Variants in MLLT3 observed in about 807,000 individuals in gnomAD.
MLLT3 encodes the protein MLLT3 super elongation complex subunit.
A neutral mutation model predicts 53.2 loss-of-function variants in MLLT3; 4 were observed. That is an observed-to-expected ratio of 0.08 (90% CI 0.04 to 0.17). MLLT3 has a LOEUF of 0.17. Among genes scored for constraint, MLLT3 ranks in the 10% least tolerant of loss-of-function variants. The pLI is 1.00. For synonymous variants in MLLT3, 283 were observed against 230.6 expected, an observed-to-expected ratio of 1.23 and a Z score of -2.06; for missense variants, 569 against 684.0, an observed-to-expected ratio of 0.83 and a Z score of 1.87.
chr9:20,546,855 G>T (rs991904385), intron 2 of MLLT3, among the ~76,000 whole-genome samples: 1 of 152,256 alleles, frequency 6.6e-6, no homozygotes, highest in South Asian at 2.1e-4. Context: ...ACTGTTAGAG[G>T]AGGGTGCTAA....
chr9:20,448,810 T>C lies in MLLT3; in HGVS notation c.277-544A>G, dbSNP rs974305736. Among the ~76,000 whole-genome samples the C allele has an allele frequency of 6.6e-6, 1 of 152,172 alleles. No homozygotes were observed. The highest frequency in any genetic ancestry group is 1.5e-5 in the Non-Finnish European group (1 of 68,022). On this transcript the variant is annotated intron_variant, in intron 3 of 10. Transcript: ENST00000380338. The surrounding 1 kb of genome is among the most constrained non-coding windows in gnomAD (Gnocchi z 4.0). ...TAGTTAAAATTTCAACAGCTTCCAA[T>C]AGCCATTGGGCTAAAAATCCTAATC...
chr9:20,456,033 G>C (rs1200080139), intron 3 of MLLT3, among the ~76,000 whole-genome samples: 2 of 149,868 alleles, frequency 1.3e-5, no homozygotes, highest in Non-Finnish European at 2.9e-5. Context: ...CCGTCTCCCA[G>C]GTTCAAGTGA....
chr9:20,360,016 T>C (rs1339314633), intron 8 of MLLT3, among the ~76,000 whole-genome samples: 2 of 152,224 alleles, frequency 1.3e-5, no homozygotes, highest in African/African-American at 4.8e-5. Flanking sequence ...TTCAAAGTTC[T>C]GCCTAGATCT....
In MLLT3 at chr9:20,560,754, A is replaced by T. The variant is rs547855134; in HGVS notation, c.193+59900T>A. Reference sequence around the variant, plus strand: ...GATAGCCTTACACTCTTATTAAAAAATTTTTTATTCTATTTTTATTATTTT... The same window carrying T: ...GATAGCCTTACACTCTTATTAAAAATTTTTTTATTCTATTTTTATTATTTT... On this transcript the variant is annotated intron_variant, in intron 2 of 10. Coordinates refer to ENST00000380338, the MANE Select transcript of MLLT3 (RefSeq NM_004529.4). Among the ~76,000 whole-genome samples the T allele has an allele frequency of 3.4e-4, 52 of 152,184 alleles. 1 individual carries two copies. The South Asian group carries it at 4.4e-3, about 13-fold the overall frequency.
intron 10 of MLLT3, among the ~76,000 whole-genome samples, chr9:20,353,260 T>C (rs1290121975): frequency 6.6e-6 from 1 of 152,128 alleles, no homozygotes. Flanking sequence ...ATCTGAGGGA[T>C]CACTACAATC....
intron 2 of MLLT3, among the ~76,000 whole-genome samples, chr9:20,577,686 C>T (rs992042956): frequency 2.0e-5 from 3 of 152,132 alleles, no homozygotes; most frequent in Non-Finnish European, 4.4e-5. Flanking sequence ...ATGACAGATT[C>T]GAAAGGTAGA....
At chr9:20,591,146 T>C (rs975815799) in intron 2 of MLLT3, among the ~76,000 whole-genome samples, 3 of 152,212 alleles carry the variant, frequency 2.0e-5, no homozygotes, top group Non-Finnish European at 4.4e-5. Context: ...TCTGAATTTA[T>C]TGGACCTATT....
intron 2 of MLLT3, among the ~76,000 whole-genome samples, chr9:20,485,171 T>C (rs535982387): frequency 1.0e-3 from 156 of 152,134 alleles, no homozygotes; most frequent in African/African-American, 3.7e-3. Flanking sequence ...GTATTTTCAG[T>C]AGAGACGGGG....
intron 2 of MLLT3, among the ~76,000 whole-genome samples, chr9:20,546,366 C>G (rs1227271144): frequency 1.3e-5 from 2 of 152,138 alleles, no homozygotes; most frequent in Non-Finnish European, 2.9e-5. Flanking sequence ...CAGTGAGGCA[C>G]TGTTTCAGCA....
At position 20,498,437 on chromosome 9, in the gene MLLT3, T is replaced by A. The variant is rs138469174; in HGVS notation, c.194-41651A>T. 1.2e-3 allele frequency among the ~76,000 whole-genome samples: 184 copies of A among 152,176 alleles called. 1 individual carries two copies. The highest frequency in any genetic ancestry group is 2.2e-3 in the Non-Finnish European group (152 of 67,998). ...CTTCTTTCACATCTGTATATCTCCT[T>A]TGATGAAGTGTCTATTCAAATCTTT... On this transcript the variant is annotated intron_variant, in intron 2 of 10. Transcript: ENST00000380338.
intron 4 of MLLT3, among the ~76,000 whole-genome samples, chr9:20,438,438 G>T (rs1823461311): frequency 6.6e-6 from 1 of 152,024 alleles, no homozygotes; most frequent in Admixed American, 6.6e-5. Flanking sequence ...TAGAGACAGG[G>T]TCTTGCTCTG....
chr9:20,413,756 A>C lies in MLLT3; in HGVS notation c.1090T>G (p.Ser364Ala), dbSNP rs1383460621. 6.2e-7 allele frequency: 1 copy of C among 1,611,956 alleles called. No homozygotes were observed. Among genetic ancestry groups the C allele is most frequent in the Non-Finnish European group, 8.5e-7 (1 of 1,179,226 alleles). The change falls in exon 5 of 11, where the codon TCA (serine) becomes GCA (alanine). Residue 364 changes from serine (S) to alanine (A), a missense_variant. Ser to Ala is a moderately conservative substitution (Grantham distance 99). This residue lies in a region of MLLT3 where 437 missense variants were observed against 376.5 expected (regional missense o/e 1.16). Transcript: ENST00000380338. Reference sequence around the variant, plus strand: ...GAGGATATATTCTCCTCCACATCTGAATCATTGGGATCCACAATATCATCA... The same window carrying C: ...GAGGATATATTCTCCTCCACATCTGCATCATTGGGATCCACAATATCATCA... ...PFDDIVDPND[S>A]DVEENISSKS...
At chr9:20,359,740 A>G (rs1269198940) in intron 8 of MLLT3, among the ~76,000 whole-genome samples, 2 of 152,224 alleles carry the variant, frequency 1.3e-5, no homozygotes, top group African/African-American at 4.8e-5. Flanking sequence ...AAATTGAAGG[A>G]CACCTGTGAA....
chr9:20,432,619 T>A (rs1051111816), intron 4 of MLLT3, among the ~76,000 whole-genome samples: 2 of 151,660 alleles, frequency 1.3e-5, no homozygotes, highest in East Asian at 1.9e-4. Flanking sequence ...TGTCCTAATA[T>A]AGAAAAAGAA....
At chr9:20,533,898 T>A (rs758873295) in intron 2 of MLLT3, among the ~76,000 whole-genome samples, 1 of 152,140 alleles carries the variant, frequency 6.6e-6, no homozygotes, top group African/African-American at 2.4e-5. Flanking sequence ...GGTGGGAGAA[T>A]CAGGGACATG....
chr9:20,487,527 T>C (rs1824843781), intron 2 of MLLT3, among the ~76,000 whole-genome samples: 1 of 152,112 alleles, frequency 6.6e-6, no homozygotes, highest in Admixed American at 6.5e-5. Flanking sequence ...GTCAGAAAAT[T>C]GTTTTATACT....
At chr9:20,605,394 T>G (rs1173585579) in intron 2 of MLLT3, among the ~76,000 whole-genome samples, 1 of 151,996 alleles carries the variant, frequency 6.6e-6, no homozygotes, top group African/African-American at 2.4e-5. Context: ...ATTTATTTAT[T>G]TATAAATCAA....
intron 5 of MLLT3, among the ~76,000 whole-genome samples, chr9:20,397,611 C>T (rs1324097292): frequency 1.3e-5 from 2 of 152,042 alleles, no homozygotes; most frequent in Non-Finnish European, 1.5e-5. Flanking sequence ...AGGAGGCAAC[C>T]CATCAATCTA....
At chr9:20,481,635 A>G (rs1001750935) in intron 2 of MLLT3, among the ~76,000 whole-genome samples, 3 of 152,114 alleles carry the variant, frequency 2.0e-5, no homozygotes, top group Non-Finnish European at 4.4e-5. Context: ...CCACCCCCAT[A>G]GTACCCTGTA....
Sources: allele counts gnomAD v4.1 joint callset (sites outside exome capture counted in the v4.1 genomes callset), GRCh38; gene constraint gnomAD v4.1.1; regional missense constraint gnomAD v4.1.1; non-coding constraint Gnocchi (gnomAD v3.1); transcripts MANE v1.5; gene names NCBI Gene and HGNC (gene_info 2026-07-23, HGNC 2026-07-21).